DLG2: variants seen among roughly 807,000 people sequenced by gnomAD.
The protein encoded by DLG2 is disks large homolog 2.
In DLG2, 45 loss-of-function variants were observed where a neutral mutation model predicts 132.5. The observed-to-expected ratio is 0.34, with a 90% CI of 0.27 to 0.44. DLG2 has a LOEUF of 0.44. Among genes scored for constraint, DLG2 ranks in the 20% least tolerant of loss-of-function variants. The pLI is 1.00. For missense variants in DLG2, 1,045 were observed against 1,196.9 expected (o/e 0.87, Z 1.87); for synonymous variants, 424 against 419.6 (o/e 1.01, Z -0.13).
intron 6 of DLG2, among the ~76,000 whole-genome samples, chr11:85,005,724 C>T (rs959272437): frequency 6.6e-6 from 1 of 152,184 alleles, no homozygotes; most frequent in African/African-American, 2.4e-5. Context: ...TTATTTCTGT[C>T]TCTTGCCTGA....
At chr11:85,496,758 C>A (rs2093677164) in intron 3 of DLG2, among the ~76,000 whole-genome samples, 1 of 152,148 alleles carries the variant, frequency 6.6e-6, no homozygotes, top group Non-Finnish European at 1.5e-5. Context: ...TGTTCTGCAA[C>A]CTCCACCAGT....
intron 3 of DLG2, among the ~76,000 whole-genome samples, chr11:85,331,672 C>T (rs542318738): frequency 1.6e-4 from 25 of 152,236 alleles, no homozygotes; most frequent in African/African-American, 2.9e-4. Flanking sequence ...TCTTTGTATC[C>T]ATGTGTACTT....
chr11:84,180,985 C>T (rs1478092188), intron 8 of DLG2, among the ~76,000 whole-genome samples: 1 of 151,552 alleles, frequency 6.6e-6, no homozygotes, highest in East Asian at 1.9e-4. Flanking sequence ...AAAGAAAGAG[C>T]TCTGGAGAAA....
chr11:85,444,585 A>C (rs1310490040), intron 3 of DLG2, among the ~76,000 whole-genome samples: 1 of 152,236 alleles, frequency 6.6e-6, no homozygotes, highest in African/African-American at 2.4e-5. Flanking sequence ...GGCCAGTGGA[A>C]TATGGATAAA....
chr11:84,356,344 C>A (rs1036769130), intron 7 of DLG2, among the ~76,000 whole-genome samples: 1 of 152,064 alleles, frequency 6.6e-6, no homozygotes, highest in Non-Finnish European at 1.5e-5. Flanking sequence ...CCTGTGGATA[C>A]AATCTGAATC....
rs2093537494 is a variant in DLG2 at position 85,490,685 on chromosome 11, T to C, written c.40+107972A>G. ...TGAAGCACTATATGCTCACAAACTA[T>C]ATGCTCAAAACTTAGAGGAAATGGA... On this transcript the variant is annotated intron_variant, in intron 3 of 27. Transcript: ENST00000376104. 2.0e-5 allele frequency among the ~76,000 whole-genome samples: 3 copies of C among 151,944 alleles called. No individual in the cohort carries two copies. In the South Asian group the frequency reaches 6.2e-4, roughly 31 times the overall value.
At chr11:84,443,286 T>C (rs1185601556) in intron 7 of DLG2, among the ~76,000 whole-genome samples, 1 of 152,198 alleles carries the variant, frequency 6.6e-6, no homozygotes, top group African/African-American at 2.4e-5. Flanking sequence ...TTGATTCAGA[T>C]TAATTTTTTA....
intron 15 of DLG2, among the ~76,000 whole-genome samples, chr11:83,896,174 A>G (rs765631236): frequency 7.2e-5 from 11 of 152,246 alleles, no homozygotes; most frequent in Non-Finnish European, 1.3e-4. Flanking sequence ...CCACTTGAGA[A>G]TACAGTGGTG....
chr11:85,089,339 G>T (rs1009282001), intron 6 of DLG2, among the ~76,000 whole-genome samples: 2 of 152,028 alleles, frequency 1.3e-5, no homozygotes, highest in Non-Finnish European at 2.9e-5. Flanking sequence ...TTATGTCAAT[G>T]TGCATCCAAT....
chr11:85,028,681 C>T (rs369696348), intron 6 of DLG2, among the ~76,000 whole-genome samples: 5 of 152,240 alleles, frequency 3.3e-5, no homozygotes, highest in Admixed American at 6.5e-5. Flanking sequence ...GAGTGGACAC[C>T]GGGAACAGGG....
intron 11 of DLG2, 22 bp downstream of exon 11, chr11:84,059,293 G>A: frequency 1.2e-6 from 2 of 1,609,810 alleles, no homozygotes; most frequent in African/African-American, 1.3e-5. Context: ...TAGTGTCTGT[G>A]AGTCATTTAT....
intron 14 of DLG2, among the ~76,000 whole-genome samples, chr11:83,938,377 A>T (rs983160827): frequency 4.0e-5 from 6 of 151,552 alleles, no homozygotes; most frequent in African/African-American, 1.5e-4. Context: ...AGAGGGTGAA[A>T]AGGGAGAAAG....
rs549069900 is a variant in DLG2 at position 85,402,470 on chromosome 11, C to A, written c.41-117105G>T. On this transcript the variant is annotated intron_variant, in intron 3 of 27. Coordinates refer to ENST00000376104, the MANE Select transcript of DLG2 (RefSeq NM_001142699.3). ...ACTAAAACACCAAAAGCAATGGCAA[C>A]AAAAGCCAAACTAGACAAATGGGAT... is the stretch of plus-strand genomic sequence containing the variant. Among the ~76,000 whole-genome samples the A allele has an allele frequency of 3.9e-5, 6 of 152,256 alleles. No individual in the cohort carries two copies. The South Asian group carries it at 1.2e-3, about 32-fold the overall frequency.
At chr11:84,824,265 T>C (rs1440482887) in intron 6 of DLG2, among the ~76,000 whole-genome samples, 1 of 151,850 alleles carries the variant, frequency 6.6e-6, no homozygotes, top group African/African-American at 2.4e-5. Context: ...TTTAATGAGG[T>C]CCTCATTCTA....
intron 18 of DLG2, among the ~76,000 whole-genome samples, chr11:83,755,222 T>A (rs13377219): frequency 0.06 from 9,022 of 151,210 alleles, 1,273 homozygotes; most frequent in African/African-American, 0.21. Flanking sequence ...CAAGTTAATA[T>A]CTTTTAAATT....
At chr11:83,744,678 G>A (rs753238362) in intron 18 of DLG2, among the ~76,000 whole-genome samples, 6 of 152,048 alleles carry the variant, frequency 3.9e-5, no homozygotes, top group Non-Finnish European at 5.9e-5. Context: ...GTTTGGATCC[G>A]TTACCACTTC....
rs558202048 is a variant in DLG2 at position 85,057,328 on chromosome 11, C to A, written c.357+54333G>T. 2.0e-5 allele frequency among the ~76,000 whole-genome samples: 3 copies of A among 151,588 alleles called. No homozygotes were observed. The East Asian group carries it at 5.8e-4, about 29-fold the overall frequency. On this transcript the variant is annotated intron_variant, in intron 6 of 27. Coordinates refer to ENST00000376104, the MANE Select transcript of DLG2 (RefSeq NM_001142699.3). ...TAAATGATCAAGAAGAGAAATGGGACAAGTTACTAATATTAGGAGTAAAAA... is the reference window on the plus strand; with the variant it reads ...TAAATGATCAAGAAGAGAAATGGGAAAAGTTACTAATATTAGGAGTAAAAA...
At chr11:84,084,877 T>A (rs1004380849) in intron 10 of DLG2, among the ~76,000 whole-genome samples, 17 of 152,182 alleles carry the variant, frequency 1.1e-4, no homozygotes, top group African/African-American at 3.6e-4. Flanking sequence ...TTCCTCCTAG[T>A]AATTTTCTGT....
chr11:84,330,292 C>T (rs910614447), intron 7 of DLG2, among the ~76,000 whole-genome samples: 2 of 152,162 alleles, frequency 1.3e-5, no homozygotes, highest in Non-Finnish European at 2.9e-5. Context: ...ATATTTTGGG[C>T]AAGGCTTTCT....
Sources: gnomAD v4.1 joint callset for allele counts (sites outside exome capture counted in the v4.1 genomes callset) on GRCh38, gnomAD v4.1.1 for gene constraint, MANE v1.5 for transcripts, NCBI Gene and HGNC (gene_info 2026-07-23, HGNC 2026-07-21) for gene names.